Variants in SAMMSON observed in about 807,000 individuals in gnomAD.
SAMMSON encodes the protein long intergenic non-protein coding RNA 1212.
chr3:70,190,504 A>T (rs1701123448), intron 4 of SAMMSON, among the ~76,000 whole-genome samples: 1 of 152,338 alleles, frequency 6.6e-6, no homozygotes, highest in African/African-American at 2.4e-5. Flanking sequence ...GAAGTTGGGC[A>T]GTAGCCTCCT....
intron 2 of SAMMSON, among the ~76,000 whole-genome samples, chr3:70,429,053 T>C (rs1701393166): frequency 6.6e-6 from 1 of 152,208 alleles, no homozygotes; most frequent in Non-Finnish European, 1.5e-5. Flanking sequence ...ATGGCCTGAA[T>C]GGTATTGCCT....
chr3:70,265,369 T>A (rs993322308), intron 6 of SAMMSON, among the ~76,000 whole-genome samples: 1 of 152,164 alleles, frequency 6.6e-6, no homozygotes, highest in Non-Finnish European at 1.5e-5. Flanking sequence ...AGGAAAGGCA[T>A]CAATTTTGGA....
intron 7 of SAMMSON, among the ~76,000 whole-genome samples, chr3:70,340,092 A>T (rs1383224709): frequency 6.6e-6 from 1 of 152,062 alleles, no homozygotes; most frequent in Non-Finnish European, 1.5e-5. Context: ...TGATGAGTTC[A>T]TGTCCTTTGT....
intron 4 of SAMMSON, among the ~76,000 whole-genome samples, chr3:70,083,794 A>T (rs972303012): frequency 2.0e-5 from 3 of 152,108 alleles, no homozygotes; most frequent in African/African-American, 7.2e-5. Flanking sequence ...ATGATCTGTC[A>T]TCTCATCCTT....
At chr3:70,395,604 A>G (rs987511246) in intron 2 of SAMMSON, among the ~76,000 whole-genome samples, 2 of 152,070 alleles carry the variant, frequency 1.3e-5, no homozygotes, top group Non-Finnish European at 2.9e-5. Flanking sequence ...AATCTACTTG[A>G]GGGCTTGTTG....
At chr3:70,273,960 C>G (rs2106674361) in intron 6 of SAMMSON, among the ~76,000 whole-genome samples, 1 of 152,012 alleles carries the variant, frequency 6.6e-6, no homozygotes, top group South Asian at 2.1e-4. Flanking sequence ...CTGCACCCGG[C>G]CCAGAATTTT....
intron 9 of SAMMSON, among the ~76,000 whole-genome samples, chr3:70,386,672 G>A (rs1342674080): frequency 6.6e-6 from 1 of 152,008 alleles, no homozygotes; most frequent in Non-Finnish European, 1.5e-5. Context: ...AAGCAGCAAT[G>A]GTTATTAATT....
At chr3:70,353,415 GAAAT>G (rs1326428859) in intron 7 of SAMMSON, among the ~76,000 whole-genome samples, 1 of 151,934 alleles carries the variant, frequency 6.6e-6, no homozygotes, top group South Asian at 2.1e-4. Flanking sequence ...ATGGGTAAAA[GAAAT>G]AAAGAAGATG....
chr3:70,405,659 A>G (rs912242233), intron 2 of SAMMSON, among the ~76,000 whole-genome samples: 1 of 152,228 alleles, frequency 6.6e-6, no homozygotes, highest in Non-Finnish European at 1.5e-5. Context: ...AATTTTAAGA[A>G]CAAAAAGCTT....
chr3:70,292,184 C>T (rs190773364), intron 7 of SAMMSON: 1 of 152,300 alleles, frequency 6.6e-6, no homozygotes, highest in East Asian at 1.9e-4. Context: ...TGAATTCAAG[C>T]TTCCCTTTAT....
At chr3:70,365,034 A>T (rs1702910421) in intron 9 of SAMMSON, among the ~76,000 whole-genome samples, 1 of 151,728 alleles carries the variant, frequency 6.6e-6, no homozygotes. Context: ...TCTAAAATGT[A>T]CATTTATTAA....
intron 3 of SAMMSON, among the ~76,000 whole-genome samples, chr3:70,055,069 G>A (rs987732665): frequency 1.3e-5 from 2 of 151,974 alleles, no homozygotes; most frequent in African/African-American, 4.8e-5. Flanking sequence ...TTTTTTAAAT[G>A]TCCTTATATT....
chr3:70,113,706 G>A (rs181245144), intron 4 of SAMMSON, among the ~76,000 whole-genome samples: 23 of 152,162 alleles, frequency 1.5e-4, no homozygotes, highest in African/African-American at 4.8e-4. Context: ...CTTGACCACC[G>A]CCCCAAACTC....
intron 2 of SAMMSON, among the ~76,000 whole-genome samples, chr3:70,013,338 A>C (rs1384230958): frequency 6.6e-6 from 1 of 152,176 alleles, no homozygotes; most frequent in Non-Finnish European, 1.5e-5. Context: ...GGTTGTTATG[A>C]GGAGTAAAAT....
intron 9 of SAMMSON, among the ~76,000 whole-genome samples, chr3:70,363,877 A>G (rs895689761): frequency 5.3e-5 from 8 of 151,534 alleles, no homozygotes; most frequent in Non-Finnish European, 8.9e-5. Context: ...TTTTCCACAC[A>G]TGTATTGATA....
At chr3:70,094,283 A>G (rs1311029933) in intron 4 of SAMMSON, among the ~76,000 whole-genome samples, 1 of 152,022 alleles carries the variant, frequency 6.6e-6, no homozygotes, top group Non-Finnish European at 1.5e-5. Context: ...TTCTGAACTC[A>G]TCTAATAGCC....
At chr3:70,413,660 A>G (rs1701240372) in intron 2 of SAMMSON, among the ~76,000 whole-genome samples, 1 of 152,112 alleles carries the variant, frequency 6.6e-6, no homozygotes, top group Non-Finnish European at 1.5e-5. Flanking sequence ...TTCTTACAAA[A>G]CATTTTGTGG....
intron 4 of SAMMSON, among the ~76,000 whole-genome samples, chr3:70,160,189 C>A (rs2067609231): frequency 1.6e-5 from 2 of 122,550 alleles, no homozygotes; most frequent in Admixed American, 1.7e-4. Context: ...ATGAATCATG[C>A]TTTTCATGTT....
chr3:70,382,952 G>A (rs183983546), intron 9 of SAMMSON, among the ~76,000 whole-genome samples: 1 of 152,170 alleles, frequency 6.6e-6, no homozygotes, highest in East Asian at 1.9e-4. Context: ...GGAAGATAAA[G>A]GTTGTTTTGC....
Sources: gnomAD v4.1 joint callset for allele counts (sites outside exome capture counted in the v4.1 genomes callset) on GRCh38, gnomAD v4.1.1 for gene constraint, MANE v1.5 for transcripts, NCBI Gene and HGNC (gene_info 2026-07-23, HGNC 2026-07-21) for gene names.